The following NRXN3 variants were observed in gnomAD, a reference collection of about 807,000 sequenced individuals.
NRXN3 encodes neurexin III.
Under a neutral mutation model 137.6 loss-of-function variants are expected in NRXN3, and 32 were observed. The observed-to-expected ratio is 0.23, with a 90% CI of 0.18 to 0.31. The LOEUF is 0.31. Ranked by LOEUF, NRXN3 falls within the 10% of genes least tolerant of loss-of-function variation. NRXN3 has a pLI of 1.00. For synonymous variants in NRXN3, 798 were observed against 784.5 expected, an observed-to-expected ratio of 1.02 and a Z score of -0.29; for missense variants, 1,574 against 2,062.5, an observed-to-expected ratio of 0.76 and a Z score of 4.59.
chr14:78,665,165 G>A (rs557938414), intron 6 of NRXN3, among the ~76,000 whole-genome samples: 3 of 152,234 alleles, frequency 2.0e-5, no homozygotes, highest in East Asian at 3.9e-4. Context: ...AATGATAAGT[G>A]GCATGAAGGA....
chr14:78,321,051 G>A (rs2079289527), intron 4 of NRXN3, among the ~76,000 whole-genome samples: 1 of 151,852 alleles, frequency 6.6e-6, no homozygotes, highest in Non-Finnish European at 1.5e-5. Flanking sequence ...AGCAGGTGGA[G>A]GTTGCAGTGA....
intron 19 of NRXN3, among the ~76,000 whole-genome samples, chr14:79,733,129 A>C (rs1749420824): frequency 6.6e-6 from 1 of 152,268 alleles, no homozygotes; most frequent in South Asian, 2.1e-4. Flanking sequence ...AGCAGCAAAA[A>C]CTGGAGGTGG....
intron 4 of NRXN3, among the ~76,000 whole-genome samples, chr14:78,324,059 T>C (rs2079732881): frequency 6.6e-6 from 1 of 151,998 alleles, no homozygotes; most frequent in Non-Finnish European, 1.5e-5. Context: ...GAGAACAGGG[T>C]CAGGGATTGA....
At chr14:79,750,528 C>T (rs536706706) in intron 19 of NRXN3, among the ~76,000 whole-genome samples, 2 of 152,262 alleles carry the variant, frequency 1.3e-5, no homozygotes. Context: ...CTATGACATA[C>T]TTTGTGAATT....
chr14:78,766,674 G>A (rs1299857250), intron 8 of NRXN3, among the ~76,000 whole-genome samples: 1 of 152,178 alleles, frequency 6.6e-6, no homozygotes, highest in African/African-American at 2.4e-5. Context: ...ATGACTCAGA[G>A]CCAGCCCTGC....
At chr14:78,436,613 A>G (rs2094075453) in intron 4 of NRXN3, among the ~76,000 whole-genome samples, 1 of 152,228 alleles carries the variant, frequency 6.6e-6, no homozygotes, top group Non-Finnish European at 1.5e-5. Context: ...TGTGCTATTG[A>G]GCACTTGAAA....
intron 15 of NRXN3, among the ~76,000 whole-genome samples, chr14:79,034,158 G>A (rs2099612267): frequency 6.6e-6 from 1 of 152,026 alleles, no homozygotes; most frequent in African/African-American, 2.4e-5. Flanking sequence ...CTATGAATGT[G>A]AGACTAAAGC....
At chr14:79,099,174 A>T (rs17593626) in intron 15 of NRXN3, among the ~76,000 whole-genome samples, 12,444 of 152,254 alleles carry the variant, frequency 0.082, 685 homozygotes, top group Non-Finnish European at 0.12. Context: ...GAGGACAATT[A>T]TGAGTAGGTT....
intron 10 of NRXN3, among the ~76,000 whole-genome samples, chr14:78,904,380 T>C (rs1163551733): frequency 6.6e-6 from 1 of 152,056 alleles, no homozygotes; most frequent in Non-Finnish European, 1.5e-5. Context: ...ATGTCAATAA[T>C]GCCGAGGTTG....
intron 4 of NRXN3, among the ~76,000 whole-genome samples, chr14:78,314,991 CTCTT>C (rs10551573): frequency 0.54 from 34,425 of 63,924 alleles, 10,617 homozygotes; most frequent in African/African-American, 0.61. Flanking sequence ...TCCTTCCTTT[CTCTT>C]TCTTTCTTTC....
chr14:78,583,191 G>T (rs1249844776), intron 4 of NRXN3, among the ~76,000 whole-genome samples: 1 of 152,060 alleles, frequency 6.6e-6, no homozygotes, highest in Non-Finnish European at 1.5e-5. Context: ...CAGAGCCATG[G>T]TGCTCTTGGA....
intron 15 of NRXN3, among the ~76,000 whole-genome samples, chr14:79,156,106 G>T (rs2060231860): frequency 6.6e-6 from 1 of 151,676 alleles, no homozygotes; most frequent in African/African-American, 2.4e-5. Context: ...ATCACAACAA[G>T]AAACTACTAA....
intron 17 of NRXN3, among the ~76,000 whole-genome samples, chr14:79,674,132 T>A (rs2098628176): frequency 6.6e-6 from 1 of 152,072 alleles, no homozygotes; most frequent in African/African-American, 2.4e-5. Flanking sequence ...CAATTTGGGA[T>A]GTGACCTTGA....
intron 4 of NRXN3, among the ~76,000 whole-genome samples, chr14:78,454,953 G>A (rs2094650214): frequency 6.6e-6 from 1 of 152,188 alleles, no homozygotes; most frequent in Non-Finnish European, 1.5e-5. Flanking sequence ...GCTTGTTTGT[G>A]TTGTCCAGGG....
intron 15 of NRXN3, among the ~76,000 whole-genome samples, chr14:79,314,541 C>G (rs1598599363): frequency 2.3e-5 from 1 of 43,272 alleles, no homozygotes; most frequent in African/African-American, 9.8e-5. Context: ...AGCCGGGAAG[C>G]TCGAACTGGG....
chr14:78,917,389 C>T (rs1045598656), intron 10 of NRXN3, among the ~76,000 whole-genome samples: 4 of 152,172 alleles, frequency 2.6e-5, no homozygotes, highest in African/African-American at 9.7e-5. Flanking sequence ...ATTAACTGAT[C>T]TGTGCAACAA....
intron 16 of NRXN3, among the ~76,000 whole-genome samples, chr14:79,569,586 G>A (rs2097578595): frequency 6.6e-6 from 1 of 151,292 alleles, no homozygotes; most frequent in African/African-American, 2.4e-5. Context: ...AAATTAATGG[G>A]CTTTTGAATG....
intron 3 of NRXN3, among the ~76,000 whole-genome samples, chr14:78,297,181 A>G (rs1394405021): frequency 6.6e-6 from 1 of 152,178 alleles, no homozygotes; most frequent in Non-Finnish European, 1.5e-5. Context: ...GAAGTGGAAG[A>G]AGTGGTATTG....
At chr14:79,209,836 A>G (rs2067373965) in intron 15 of NRXN3, among the ~76,000 whole-genome samples, 1 of 152,196 alleles carries the variant, frequency 6.6e-6, no homozygotes, top group African/African-American at 2.4e-5. Flanking sequence ...TCCTCTGTTT[A>G]CTATTTATGC....
Sources: gnomAD v4.1 joint callset for allele counts (sites outside exome capture counted in the v4.1 genomes callset) on GRCh38, gnomAD v4.1.1 for gene constraint, MANE v1.5 for transcripts, NCBI Gene and HGNC (gene_info 2026-07-23, HGNC 2026-07-21) for gene names.